Variants in TRAPPC12 observed in about 807,000 individuals in gnomAD.
TRAPPC12 encodes the protein TPR repeat protein 15.
A neutral mutation model predicts 69.2 loss-of-function variants in TRAPPC12; 61 were observed. The observed-to-expected ratio is 0.88, with a 90% CI of 0.72 to 1.09. The LOEUF is 1.09. TRAPPC12 is among the 50% of genes least tolerant of loss of function. TRAPPC12 has a pLI of 0.00. For synonymous variants in TRAPPC12, 469 were observed against 438.9 expected (o/e 1.07, Z -0.86); for missense variants, 1,101 against 1,016.4 (o/e 1.08, Z -1.13).
chr2:3,420,082 C>T (rs1450415002), intron 3 of TRAPPC12, among the ~76,000 whole-genome samples: 1 of 152,194 alleles, frequency 6.6e-6, no homozygotes, highest in African/African-American at 2.4e-5. Context: ...GATGTTGATA[C>T]CAGCTTTATC....
chr2:3,431,592 GA>G (rs1451288476), intron 5 of TRAPPC12, among the ~76,000 whole-genome samples: 3 of 151,154 alleles, frequency 2.0e-5, no homozygotes, highest in Admixed American at 1.3e-4. Context: ...TTTTCTTTTA[GA>G]TTTTTTTTTT....
intron 7 of TRAPPC12, chr2:3,459,875 C>T (rs571594918): frequency 5.9e-6 from 2 of 336,806 alleles, no homozygotes; most frequent in South Asian, 4.8e-5. Flanking sequence ...TGGCGGCCAC[C>T]CTGGCCAGTG....
intron 8 of TRAPPC12, chr2:3,460,801 A>G (rs1665448218): frequency 6.4e-6 from 1 of 157,064 alleles, no homozygotes; most frequent in Non-Finnish European, 1.4e-5. Flanking sequence ...GAAACAGCTT[A>G]GAAATCAAGG....
rs552039040 is a variant in TRAPPC12, at chr2:3,467,171, A to G, written c.1776+1476A>G. On this transcript the variant is annotated intron_variant, in intron 9 of 11. Transcript: ENST00000324266. ...ATTTAAGCCCCATCTGGCGCACAGAATGTGCTAACCAGGCTGCAAGGGAAG... is the reference window on the plus strand; with the variant it reads ...ATTTAAGCCCCATCTGGCGCACAGAGTGTGCTAACCAGGCTGCAAGGGAAG... Among the ~76,000 whole-genome samples the G allele has an allele frequency of 2.0e-5, 3 of 152,270 alleles. No individual in the cohort carries two copies. The South Asian group carries it at 6.2e-4, about 32-fold the overall frequency.
At chr2:3,459,413 C>T (rs993582574) in intron 7 of TRAPPC12, among the ~76,000 whole-genome samples, 1 of 152,236 alleles carries the variant, frequency 6.6e-6, no homozygotes, top group East Asian at 1.9e-4. Flanking sequence ...CCTCAACCTG[C>T]GCCTTCCTCC....
At chr2:3,390,552 G>C (rs1236802707) in intron 2 of TRAPPC12, among the ~76,000 whole-genome samples, 1 of 152,218 alleles carries the variant, frequency 6.6e-6, no homozygotes, top group Admixed American at 6.5e-5. Flanking sequence ...GAATATTTAT[G>C]TAAGTTTTTA....
intron 3 of TRAPPC12, among the ~76,000 whole-genome samples, chr2:3,409,049 C>T (rs527813339): frequency 6.6e-6 from 1 of 152,354 alleles, no homozygotes; most frequent in South Asian, 2.1e-4. Flanking sequence ...CTTCCTGAGG[C>T]TGCCACAGCT....
chr2:3,448,679 C>T (rs1295131397), intron 6 of TRAPPC12, among the ~76,000 whole-genome samples: 2 of 142,168 alleles, frequency 1.4e-5, no homozygotes, highest in East Asian at 2.0e-4. Context: ...GAGGGTAGGG[C>T]GTGGAGAGCA....
chr2:3,458,115 G>A (rs1268428682), intron 7 of TRAPPC12: 3 of 1,028,914 alleles, frequency 2.9e-6, no homozygotes, highest in East Asian at 1.8e-4. Flanking sequence ...AGGAGGAGCT[G>A]GAGAGGAAGG....
chr2:3,458,737 G>A (rs1665318240), intron 7 of TRAPPC12, among the ~76,000 whole-genome samples: 1 of 152,188 alleles, frequency 6.6e-6, no homozygotes. Context: ...TCCTGCTTTG[G>A]TGGGAATGAG....
chr2:3,424,747 A>G, intron 5 of TRAPPC12, 84 bp downstream of exon 5: 1 of 1,391,318 alleles, frequency 7.2e-7, no homozygotes, highest in Admixed American at 2.6e-5. Context: ...TCGTAGCCTC[A>G]GTTTTCCTTA....
intron 5 of TRAPPC12, among the ~76,000 whole-genome samples, chr2:3,434,613 GT>G (rs1173190590): frequency 6.6e-6 from 1 of 152,202 alleles, no homozygotes; most frequent in African/African-American, 2.4e-5. Flanking sequence ...GTCTTTCTTG[GT>G]TTTGCGTCTA....
Position 3,448,588 on chromosome 2 carries a change from A to C in TRAPPC12, c.1530+4697A>C, listed in dbSNP as rs1054413131. ...TAGCTCCTCCTCCCGCAGGGCGTGG[A>C]GAGCAGCCGGTTACTCGAGGGTAGG... On this transcript the variant is annotated intron_variant, in intron 6 of 11. Transcript: ENST00000324266. Among the ~76,000 whole-genome samples, 20 of 138,312 alleles carry C rather than the reference A, an allele frequency of 1.4e-4. 1 individual carries two copies. The highest frequency in any genetic ancestry group is 1.8e-4 in the African/African-American group (5 of 28,334). 90.7% of individuals were successfully genotyped at this position (138,312 alleles called of 152,430 possible). A position where few individuals can be genotyped will look rare whatever the true frequency, so the allele number is the denominator to read the frequency against.
chr2:3,465,922 A>C (rs879430655), intron 9 of TRAPPC12: 4 of 575,924 alleles, frequency 6.9e-6, no homozygotes, highest in African/African-American at 1.9e-5. Context: ...ACCCACAGAA[A>C]GTGTCATCAC....
intron 5 of TRAPPC12, among the ~76,000 whole-genome samples, chr2:3,426,242 T>C (rs968484085): frequency 6.6e-6 from 1 of 152,244 alleles, no homozygotes; most frequent in Admixed American, 6.5e-5. Context: ...ATAACTAAAA[T>C]AGGGCATAAA....
chr2:3,454,200 T>C (rs1217882217), intron 6 of TRAPPC12, among the ~76,000 whole-genome samples: 1 of 152,252 alleles, frequency 6.6e-6, no homozygotes, highest in East Asian at 1.9e-4. Flanking sequence ...GAGTGCTTTT[T>C]GCAGAGGGAG....
At chr2:3,394,434 AAC>A (rs1439208349) in intron 2 of TRAPPC12, among the ~76,000 whole-genome samples, 1 of 152,106 alleles carries the variant, frequency 6.6e-6, no homozygotes, top group East Asian at 1.9e-4. Flanking sequence ...CACCCTGGCT[AAC>A]ACGGTGAAAC....
intron 5 of TRAPPC12, among the ~76,000 whole-genome samples, chr2:3,427,552 G>T (rs1663179181): frequency 6.6e-6 from 1 of 152,188 alleles, no homozygotes; most frequent in Non-Finnish European, 1.5e-5. Flanking sequence ...TTAAGAATGA[G>T]TGTGACTGAA....
intron 3 of TRAPPC12, among the ~76,000 whole-genome samples, chr2:3,415,349 T>C (rs964896069): frequency 6.6e-6 from 1 of 151,564 alleles, no homozygotes; most frequent in Admixed American, 6.6e-5. Flanking sequence ...ATGTTTAAGG[T>C]AGGCTAGGCT....
Sources: allele counts gnomAD v4.1 joint callset (sites outside exome capture counted in the v4.1 genomes callset), GRCh38; gene constraint gnomAD v4.1.1; transcripts MANE v1.5; gene names NCBI Gene and HGNC (gene_info 2026-07-23, HGNC 2026-07-21).